The following RCC2 variants were observed in gnomAD, a reference collection of about 807,000 sequenced individuals.
RCC2 encodes protein RCC2.
In RCC2, 19 loss-of-function variants were observed where a neutral mutation model predicts 64.1. That is an observed-to-expected ratio of 0.30 (90% confidence interval 0.21 to 0.44). The LOEUF is 0.44. Among genes scored for constraint, RCC2 ranks in the 20% least tolerant of loss-of-function variants. The probability of loss-of-function intolerance (pLI) is 1.00; values close to 1 mark genes in which losing one functional copy is unlikely to be tolerated. For missense variants in RCC2, 508 were observed against 710.4 expected (o/e 0.72, Z 3.24); for synonymous variants, 325 against 279.6 (o/e 1.16, Z -1.62).
chr1:17,427,379 C>T (rs2075627719), intron 3 of RCC2, among the ~76,000 whole-genome samples: 1 of 152,158 alleles, frequency 6.6e-6, no homozygotes, highest in African/African-American at 2.4e-5. Flanking sequence ...CACCTGCAGA[C>T]ACCTCCCCTG....
At chr1:17,425,710 C>G in intron 3 of RCC2, 26 bp from the exon 4 acceptor site, 2 of 1,590,256 alleles carry the variant, frequency 1.3e-6, no homozygotes, top group Non-Finnish European at 1.7e-6. Flanking sequence ...GAATGCAGAT[C>G]AGACACCTGG....
Position 17,408,928 on chromosome 1 carries a change from A to C in RCC2, c.*162T>G. Reference sequence around the variant, plus strand: ...AAGCATACAGAAAAAAAGGTAGTTAACGTTGGATCATGTGTAAAACGGAAC... The same window carrying C: ...AAGCATACAGAAAAAAAGGTAGTTACCGTTGGATCATGTGTAAAACGGAAC... On this transcript the variant is annotated 3_prime_UTR_variant, in exon 13 of 13. Transcript: ENST00000375436. 1 of 617,606 alleles carries C rather than the reference A, an allele frequency of 1.6e-6. No homozygotes were observed. The highest frequency in any genetic ancestry group is 2.9e-6 in the Non-Finnish European group (1 of 341,768). The allele number at this position is 617,606 out of a possible 1,614,324, so 38.3% of individuals were successfully genotyped here. A position where few individuals can be genotyped will look rare whatever the true frequency, so the allele number is the denominator to read the frequency against.
At chr1:17,438,922 T>G (rs1391747863) in intron 1 of RCC2, among the ~76,000 whole-genome samples, 1 of 152,216 alleles carries the variant, frequency 6.6e-6, no homozygotes, top group Admixed American at 6.5e-5. Context: ...GATTCCCCCT[T>G]GGCACCTGGG....
At position 17,408,610 on chromosome 1, in the gene RCC2, G is replaced by GCTCCATCC; in HGVS notation, c.*479_*480insGGATGGAG. 6.2e-6 allele frequency: 1 copy of GCTCCATCC among 160,348 alleles called. No homozygotes were observed. Among genetic ancestry groups the GCTCCATCC allele is most frequent in the Middle Eastern group, 3.3e-3 (1 of 304 alleles). The allele number at this position is 160,348 out of a possible 1,614,324, so 9.9% of individuals were successfully genotyped here. A position where few individuals can be genotyped will look rare whatever the true frequency, so the allele number is the denominator to read the frequency against. ...GGATGCTTCCGAAGCACGCGAGCGTGATTTTGGATGGAGGCGGGCCGGTGA... is the reference window on the plus strand; with the variant it reads ...GGATGCTTCCGAAGCACGCGAGCGTGCTCCATCCATTTTGGATGGAGGCGGGCCGGTGA... On this transcript the variant is annotated 3_prime_UTR_variant, in exon 13 of 13. Transcript: ENST00000375436.
At chr1:17,410,076 C>T (rs1204324847) in intron 11 of RCC2, 25 bp from the exon 12 acceptor site, 1 of 1,608,148 alleles carries the variant, frequency 6.2e-7, no homozygotes, top group Non-Finnish European at 8.5e-7. Context: ...AAGATGTTCG[C>T]AATCGAGGAT....
chr1:17,422,360 A>T, intron 5 of RCC2, 69 bp from the exon 6 acceptor site: 1 of 1,386,162 alleles, frequency 7.2e-7, no homozygotes, highest in Non-Finnish European at 1.0e-6. Flanking sequence ...TTTAGAATCA[A>T]AGGCATCAAA....
At chr1:17,437,137 A>C (rs921321435) in intron 2 of RCC2, among the ~76,000 whole-genome samples, 19 of 152,204 alleles carry the variant, frequency 1.2e-4, no homozygotes, top group African/African-American at 3.6e-4. Context: ...TCTGTGCCCC[A>C]GTTTCCCTAT....
At chr1:17,439,293 G>A (rs563779060) in intron 1 of RCC2, among the ~76,000 whole-genome samples, 36 of 146,416 alleles carry the variant, frequency 2.5e-4, no homozygotes, top group Admixed American at 6.1e-4. Context: ...CAGGGCCGCC[G>A]CCAGCTCCCC....
chr1:17,432,808 G>A (rs2075695992), intron 2 of RCC2, among the ~76,000 whole-genome samples: 1 of 152,112 alleles, frequency 6.6e-6, no homozygotes, highest in South Asian at 2.1e-4. Flanking sequence ...AAATGTATTT[G>A]TGGGCCGGGC....
intron 10 of RCC2, 28 bp from the exon 11 acceptor site, chr1:17,412,222 GGCCAGCA>G (rs1168734699): frequency 6.2e-7 from 1 of 1,611,390 alleles, no homozygotes; most frequent in Non-Finnish European, 8.5e-7. Flanking sequence ...GTCACTGCAG[GGCCAGCA>G]GCCCCAGACC....
chr1:17,431,349 AAAAAAAAAAAAT>A (rs2075674876), intron 2 of RCC2, among the ~76,000 whole-genome samples: 1 of 51,866 alleles, frequency 1.9e-5, no homozygotes, highest in Admixed American at 2.5e-4. Context: ...AAAAAAAAAA[AAAAAAAAAAAAT>A]ATATATATAT....
intron 3 of RCC2, among the ~76,000 whole-genome samples, chr1:17,426,521 C>T (rs1221445902): frequency 1.3e-5 from 2 of 152,182 alleles, no homozygotes; most frequent in African/African-American, 4.8e-5. Context: ...CAGGGCTCCC[C>T]TGCCCCAGCT....
At chr1:17,409,292 T>C (rs2075399953) in intron 12 of RCC2, 98 bp from the exon 13 acceptor site, 1 of 810,702 alleles carries the variant, frequency 1.2e-6, no homozygotes, top group Admixed American at 2.0e-5. Flanking sequence ...CGGGTCAGCA[T>C]GGAGAAAAAC....
In RCC2 at chr1:17,407,337, G is replaced by C. The variant is rs1359490501; in HGVS notation, c.*1753C>G. 1 of 152,248 alleles carries C rather than the reference G, an allele frequency of 6.6e-6. No homozygotes were observed. Among genetic ancestry groups the C allele is most frequent in the Non-Finnish European group, 1.5e-5 (1 of 68,062 alleles). 9.4% of individuals were successfully genotyped at this position (152,248 alleles called of 1,614,324 possible). A position where few individuals can be genotyped will look rare whatever the true frequency, so the allele number is the denominator to read the frequency against. ...CACAGGTGCCTGGGCTGCATTCCAG[G>C]AAAGAGACCTGTCCAGGGAAACGGA... On this transcript the variant is annotated 3_prime_UTR_variant, in exon 13 of 13. Coordinates refer to ENST00000375436, the MANE Select transcript of RCC2 (RefSeq NM_018715.4).
At chr1:17,418,696 T>G (rs763924929) in intron 7 of RCC2, among the ~76,000 whole-genome samples, 4 of 151,898 alleles carry the variant, frequency 2.6e-5, no homozygotes, top group Admixed American at 2.6e-4. Context: ...ACTAAGAAAT[T>G]CCCCCACCTT....
In RCC2 at chr1:17,426,759, CTTTTTTTTTT is replaced by C. The variant is rs146347066; in HGVS notation, c.380-1085_380-1076del. Among the ~76,000 whole-genome samples, 28 of 110,032 alleles carry C rather than the reference CTTTTTTTTTT, an allele frequency of 2.5e-4. 1 individual carries two copies. The highest frequency in any genetic ancestry group is 9.1e-4 in the African/African-American group (26 of 28,434). The allele number at this position is 110,032 out of a possible 152,430, so 72.2% of individuals were successfully genotyped here. On this transcript the variant is annotated intron_variant, in intron 3 of 12. Coordinates refer to ENST00000375436, the MANE Select transcript of RCC2 (RefSeq NM_018715.4). ...GGGGCAGGGCCAATTTCTTACTTTT[CTTTTTTTTTT>C]TTTTTTTTTTTTTTTGAGACAGTTT... is the stretch of plus-strand genomic sequence containing the variant.
In RCC2 at chr1:17,420,701, T is replaced by G; in HGVS notation, c.859+13A>C. On this transcript the variant is annotated intron_variant, in intron 7 of 12. Coordinates refer to ENST00000375436, the MANE Select transcript of RCC2 (RefSeq NM_018715.4). The stretch of plus-strand genomic sequence containing the variant: ...GTTAGATTACAGAGCTTTTAAAAAA[T>G]GTACTTCCATACCCAGCTGACCATA... 6.5e-7 allele frequency: 1 copy of G among 1,537,296 alleles called. No individual in the cohort carries two copies. Among genetic ancestry groups the G allele is most frequent in the South Asian group, 1.2e-5 (1 of 85,018 alleles).
chr1:17,423,944 T>C (rs1004669655), intron 4 of RCC2, among the ~76,000 whole-genome samples: 1 of 152,226 alleles, frequency 6.6e-6, no homozygotes, highest in African/African-American at 2.4e-5. Flanking sequence ...AACCAGCCTC[T>C]GACTCGCTCT....
chr1:17,437,222 C>T (rs1027102092), intron 2 of RCC2, among the ~76,000 whole-genome samples: 3 of 152,192 alleles, frequency 2.0e-5, no homozygotes, highest in Non-Finnish European at 4.4e-5. Context: ...CTGCTGTTAA[C>T]CCTTAAACAC....
Sources: gnomAD v4.1 joint callset for allele counts (sites outside exome capture counted in the v4.1 genomes callset) on GRCh38, gnomAD v4.1.1 for gene constraint, MANE v1.5 for transcripts, NCBI Gene and HGNC (gene_info 2026-07-23, HGNC 2026-07-21) for gene names.